The following ZBTB17 variants were observed in gnomAD, a reference collection of about 807,000 sequenced individuals.
The protein encoded by ZBTB17 is zinc finger and BTB domain containing 17.
Under a neutral mutation model 85.1 loss-of-function variants are expected in ZBTB17, and 24 were observed. The ratio of observed to expected loss-of-function variants is 0.28; its 90% CI spans 0.20 to 0.40. The LOEUF (loss-of-function observed/expected upper bound fraction) is 0.40. Among genes scored for constraint, ZBTB17 ranks in the 10% least tolerant of loss-of-function variants. The probability of loss-of-function intolerance (pLI) is 1.00; values close to 1 mark genes in which losing one functional copy is unlikely to be tolerated. For missense variants in ZBTB17, 743 were observed against 1,105.1 expected (o/e 0.67, Z 4.65); for synonymous variants, 464 against 460.2 (o/e 1.01, Z -0.11).
intron 2 of ZBTB17, among the ~76,000 whole-genome samples, chr1:15,958,415 CAAAAAAAAAA>C (rs34593133): frequency 4.7e-5 from 4 of 84,622 alleles, no homozygotes; most frequent in Admixed American, 3.3e-4. Context: ...CCAATACGAC[CAAAAAAAAAA>C]AAAAAAAAAC....
rs752722574 is a variant in ZBTB17, at chr1:15,943,240, G to A, written c.1698-46C>T. 13 of 1,613,550 alleles carry A rather than the reference G, an allele frequency of 8.1e-6. No individual in the cohort carries two copies. The East Asian group carries it at 2.9e-4, about 36-fold the overall frequency. On this transcript the variant is annotated intron_variant, in intron 12 of 15. Transcript: ENST00000375743. Reference sequence around the variant, plus strand: ...ACTCGCATGGAACTGCCCCAACCTGGGCCTCCTGCCTCACCCTCTAGACTG... The same window carrying A: ...ACTCGCATGGAACTGCCCCAACCTGAGCCTCCTGCCTCACCCTCTAGACTG...
At position 15,953,170 on chromosome 1, in the gene ZBTB17, A is replaced by T. The variant is rs959745227; in HGVS notation, c.-2-4673T>A. Among the ~76,000 whole-genome samples the T allele has an allele frequency of 4.6e-5, 7 of 151,708 alleles. No homozygotes were observed. The highest frequency in any genetic ancestry group is 1.5e-4 in the African/African-American group (6 of 41,090). On this transcript the variant is annotated intron_variant, in intron 2 of 15. Coordinates refer to ENST00000375743, the MANE Select transcript of ZBTB17 (RefSeq NM_003443.3). This position sits in a 1 kb window ranked among gnomAD's most constrained non-coding sequence, Gnocchi z 5.1. ...TTACATGAAAACATTCCAATTATTT[A>T]AAAAAATGTATTTTTTTTTTTTTGT...
rs698891 is a variant in ZBTB17, at chr1:15,948,274, C to T, written c.205+17G>A. ...TTCTGGCTATCAGCAAGCTCAGCCC[C>T]AGCCCTGACGGGGTACCTGCCGCGT... On this transcript the variant is annotated intron_variant, in intron 3 of 15. Transcript: ENST00000375743. 201,795 of 1,613,332 alleles carry T rather than the reference C, an allele frequency of 0.13. 14,818 individuals are homozygous for T. Among genetic ancestry groups the T allele is most frequent in the Admixed American group, 0.31 (18,310 of 59,960 alleles).
chr1:15,969,992 T>G, intron 2 of ZBTB17: 1 of 856,908 alleles, frequency 1.2e-6, no homozygotes, highest in Non-Finnish European at 1.9e-6. Context: ...AGCTACAAAA[T>G]ATGTTCGATG....
rs78084672 is a variant in ZBTB17, at chr1:15,945,665, C to A, written c.661+50G>T. 257 of 1,599,410 alleles carry A rather than the reference C, an allele frequency of 1.6e-4. 1 individual carries two copies. The East Asian group carries it at 5.2e-3, about 32-fold the overall frequency. On this transcript the variant is annotated intron_variant, in intron 6 of 15. Transcript: ENST00000375743. Reference sequence around the variant, plus strand: ...GCCCCAGTGCGCAGTGGAGGCAGGGCCCTGGGAGGATGCACCAGGTAGGGC... The same window carrying A: ...GCCCCAGTGCGCAGTGGAGGCAGGGACCTGGGAGGATGCACCAGGTAGGGC...
chr1:15,947,325 C>T (rs1570121810), intron 3 of ZBTB17: 2 of 592,822 alleles, frequency 3.4e-6, no homozygotes, highest in South Asian at 2.2e-5. Context: ...AAGAAGTGCT[C>T]GCTGAGGGTC....
At chr1:15,965,159 A>G (rs926149003) in intron 2 of ZBTB17, among the ~76,000 whole-genome samples, 11 of 152,214 alleles carry the variant, frequency 7.2e-5, no homozygotes, top group African/African-American at 2.4e-4. Context: ...ACAAAAAACA[A>G]TATCCTACAG....
rs917303030 is a variant in ZBTB17, at chr1:15,952,417, C to T, written c.-2-3920G>A. Among the ~76,000 whole-genome samples the T allele has an allele frequency of 3.9e-5, 6 of 152,212 alleles. No individual in the cohort carries two copies. The highest frequency in any genetic ancestry group is 1.4e-4 in the African/African-American group (6 of 41,456). ...AGTCCGGACAGGCACACTGACACAG[C>T]GGAACAGACGCGGCAGAACCGACAC... On this transcript the variant is annotated intron_variant, in intron 2 of 15. Transcript: ENST00000375743. This position sits in a 1 kb window ranked among gnomAD's most constrained non-coding sequence, Gnocchi z 4.3.
At chr1:15,956,902 C>T (rs2072061521) in intron 2 of ZBTB17, among the ~76,000 whole-genome samples, 1 of 152,242 alleles carries the variant, frequency 6.6e-6, no homozygotes, top group East Asian at 1.9e-4. Flanking sequence ...AGGAGGCGGC[C>T]GGGCACAGTG....
chr1:15,974,900 A>ATC (rs1249086761), intron 1 of ZBTB17, among the ~76,000 whole-genome samples: 1 of 152,042 alleles, frequency 6.6e-6, no homozygotes, highest in Non-Finnish European at 1.5e-5. Flanking sequence ...ATTTAGCCTG[A>ATC]TCTCTCTCTC....
chr1:15,944,157 C>A, intron 9 of ZBTB17, 143 bp downstream of exon 9: 1 of 1,287,734 alleles, frequency 7.8e-7, no homozygotes, highest in Non-Finnish European at 1.1e-6. Context: ...AAGTGGCTCT[C>A]GCTGCGCCTG....
chr1:15,954,548 A>G (rs1301535363), intron 2 of ZBTB17, among the ~76,000 whole-genome samples: 1 of 152,214 alleles, frequency 6.6e-6, no homozygotes, highest in Non-Finnish European at 1.5e-5. Context: ...TTCTAGAAAT[A>G]CAGGTGGATC....
At chr1:15,974,318 G>A (rs534396920) in intron 1 of ZBTB17, among the ~76,000 whole-genome samples, 3 of 150,464 alleles carry the variant, frequency 2.0e-5, no homozygotes, top group Admixed American at 6.6e-5. Context: ...CACCATGCCC[G>A]GCTATTTTTT....
chr1:15,947,104 C>T lies in ZBTB17; in HGVS notation c.225G>A (p.Glu75=), dbSNP rs1194960720. The T allele has an allele frequency of 1.9e-6, 3 of 1,611,640 alleles. No individual in the cohort carries two copies. The highest frequency in any genetic ancestry group is 2.5e-6 in the Non-Finnish European group (3 of 1,178,212). ...GGCTCAGCTTGGCCGTGTACATAAA[C>T]TCCAGCACCTGCCCCAGGCCTACCA... The part of the protein sequence containing the change: ...SNAAGLGQVL[E]FMYTAKLSLS... The change falls in exon 4 of 16, where the codon GAG becomes GAA. Residue 75 remains glutamate, a synonymous_variant. Coordinates refer to ENST00000375743, the MANE Select transcript of ZBTB17 (RefSeq NM_003443.3).
At chr1:15,949,303 C>T (rs921420928) in intron 2 of ZBTB17, among the ~76,000 whole-genome samples, 2 of 152,164 alleles carry the variant, frequency 1.3e-5, no homozygotes, top group East Asian at 1.9e-4. Flanking sequence ...TTGAACCGCA[C>T]AAGCCGTGAC....
At chr1:15,948,093 C>CT (rs2071688203) in intron 3 of ZBTB17, 198 bp downstream of exon 3, 2 of 663,028 alleles carry the variant, frequency 3.0e-6, no homozygotes, top group Non-Finnish European at 5.3e-6. Flanking sequence ...TCTCCCCTTA[C>CT]CACTCCACTA....
chr1:15,947,301 C>T, intron 3 of ZBTB17, 178 bp from the exon 4 acceptor site: 1 of 634,816 alleles, frequency 1.6e-6, no homozygotes, highest in Non-Finnish European at 2.7e-6. Context: ...TCAGCACTAC[C>T]AACAGCCCTT....
rs746747727 is a variant in ZBTB17 at position 15,944,783 on chromosome 1, G to A, written c.984C>T (p.His328=). The change falls in exon 8 of 16, where the codon CAC becomes CAT. Residue 328 remains histidine, a synonymous_variant. Transcript: ENST00000375743. ...TGNFKRHIRI[H]TGEKPFSCRE... is the part of the protein sequence containing the mutation. ...GGCACGAGAAGGGCTTCTCCCCCGTGTGGATGCGGATGTGCCGCTTGAAGT... is the reference window on the plus strand; with the variant it reads ...GGCACGAGAAGGGCTTCTCCCCCGTATGGATGCGGATGTGCCGCTTGAAGT... 2 of 1,612,650 alleles carry A rather than the reference G, an allele frequency of 1.2e-6. No homozygotes were observed. Among genetic ancestry groups the A allele is most frequent in the East Asian group, 4.5e-5 (2 of 44,850 alleles).
chr1:15,948,368 G>T lies in ZBTB17; in HGVS notation c.128C>A (p.Ala43Glu). The change falls in exon 3 of 16, where the codon GCG becomes GAG. Residue 43 changes from alanine to glutamate, a missense_variant. Ala to Glu is a moderately radical substitution (Grantham distance 107). Transcript: ENST00000375743. The part of the protein sequence containing the change: ...VHFKAHKAVL[A>E]ACSEYFKMLF... ...CATCTTGAAGTACTCGCTGCAGGCC[G>T]CCAGCACTGCTTTATGAGCCTTAAA... 1.2e-6 allele frequency: 2 copies of T among 1,613,998 alleles called. No individual in the cohort carries two copies.
Sources: allele counts gnomAD v4.1 joint callset (sites outside exome capture counted in the v4.1 genomes callset), GRCh38; gene constraint gnomAD v4.1.1; non-coding constraint Gnocchi (gnomAD v3.1); transcripts MANE v1.5; gene names NCBI Gene and HGNC (gene_info 2026-07-23, HGNC 2026-07-21).